The following LARP4B variants were observed in gnomAD, a reference collection of about 807,000 sequenced individuals.
The protein encoded by LARP4B is La ribonucleoprotein 4B, also known as la-related protein 4B.
Under a neutral mutation model 89.8 loss-of-function variants are expected in LARP4B, and 12 were observed. That is an observed-to-expected ratio of 0.13 (90% CI 0.09 to 0.22). The LOEUF (loss-of-function observed/expected upper bound fraction) is 0.22, where lower values mean the gene tolerates loss of function less well. Among genes scored for constraint, LARP4B ranks in the 10% least tolerant of loss-of-function variants. The pLI, the probability that LARP4B is intolerant of heterozygous loss-of-function variation, is 1.00. For missense variants in LARP4B, 757 were observed against 947.7 expected (o/e 0.80, Z 2.64); for synonymous variants, 367 against 363.3 (o/e 1.01, Z -0.12).
At chr10:875,146 A>C (rs1835405903) in intron 3 of LARP4B, among the ~76,000 whole-genome samples, 1 of 152,220 alleles carries the variant, frequency 6.6e-6, no homozygotes, top group Non-Finnish European at 1.5e-5. Context: ...GATTCATACC[A>C]GCTGTAAAAT....
the LARP4B span, among the ~76,000 whole-genome samples, chr10:983,376 A>G: frequency 2.0e-5 from 3 of 152,234 alleles, no homozygotes; most frequent in African/African-American, 7.2e-5. Flanking sequence ...CTGCTGACCT[A>G]TGGTGAGTAT....
At chr10:905,677 CA>C (rs1836470684) in intron 1 of LARP4B, among the ~76,000 whole-genome samples, 1 of 21,992 alleles carries the variant, frequency 4.5e-5, no homozygotes, top group South Asian at 2.1e-3. Flanking sequence ...AGCTGAGGAG[CA>C]AGGGAGGAGC....
chr10:970,281 G>C, the LARP4B span, among the ~76,000 whole-genome samples: 1 of 152,224 alleles, frequency 6.6e-6, no homozygotes, highest in African/African-American at 2.4e-5. Flanking sequence ...AAATGTCTAA[G>C]CATTGTCACT....
chr10:985,639 C>G, the LARP4B span: 1 of 152,390 alleles, frequency 6.6e-6, no homozygotes, highest in East Asian at 1.9e-4. Context: ...TTAGACCTCC[C>G]TGTTGACAGC....
At chr10:929,608 GA>G (rs1350473955) in intron 1 of LARP4B, among the ~76,000 whole-genome samples, 1 of 151,314 alleles carries the variant, frequency 6.6e-6, no homozygotes, top group East Asian at 1.9e-4. Flanking sequence ...GGGGGGGGAA[GA>G]AAAAAATCAG....
At chr10:917,647 C>G (rs1322200319) in intron 1 of LARP4B, among the ~76,000 whole-genome samples, 1 of 152,148 alleles carries the variant, frequency 6.6e-6, no homozygotes, top group East Asian at 1.9e-4. Context: ...GCCCAGGAAC[C>G]TCAAGATATT....
the LARP4B span, among the ~76,000 whole-genome samples, chr10:949,526 C>T: frequency 1.3e-5 from 2 of 152,100 alleles, no homozygotes; most frequent in African/African-American, 2.4e-5. Context: ...ACCTCCAACC[C>T]GTTTTCCAGG....
At chr10:848,764 G>C (rs145007684) in intron 5 of LARP4B, among the ~76,000 whole-genome samples, 63 of 152,040 alleles carry the variant, frequency 4.1e-4, no homozygotes, top group African/African-American at 1.2e-3. Context: ...GGACAACATC[G>C]AGCAGCTGAG....
chr10:927,583 T>C (rs905905737), intron 1 of LARP4B, among the ~76,000 whole-genome samples: 1 of 152,244 alleles, frequency 6.6e-6, no homozygotes, highest in East Asian at 1.9e-4. Context: ...TCAGACCTGA[T>C]GAGGTTAACT....
intron 7 of LARP4B, 72 bp from the exon 8 acceptor site, chr10:836,578 T>C: frequency 1.0e-6 from 1 of 955,312 alleles, no homozygotes; most frequent in South Asian, 1.4e-5. Flanking sequence ...ATGTGTTACA[T>C]TATATTACTA....
chr10:955,153 G>C, the LARP4B span, among the ~76,000 whole-genome samples: 1 of 152,180 alleles, frequency 6.6e-6, no homozygotes, highest in Admixed American at 6.5e-5. This position sits in a 1 kb window ranked among gnomAD's most constrained non-coding sequence, Gnocchi z 5.2. Flanking sequence ...CTCTCGGGCA[G>C]CTCTGACACT....
At chr10:931,031 C>T (rs951823965) in intron 1 of LARP4B, among the ~76,000 whole-genome samples, 52 of 150,914 alleles carry the variant, frequency 3.4e-4, no homozygotes, top group East Asian at 3.9e-4. Context: ...GGCCTCCCGA[C>T]CCTGACCCCG....
intron 5 of LARP4B, among the ~76,000 whole-genome samples, chr10:860,213 T>C (rs951854242): frequency 5.3e-5 from 8 of 152,192 alleles, no homozygotes; most frequent in African/African-American, 9.6e-5. Flanking sequence ...AAAACAGTCT[T>C]TTTTTTAAAA....
intron 4 of LARP4B, 96 bp downstream of exon 4, chr10:864,027 T>C (rs981125257): frequency 3.2e-6 from 5 of 1,571,730 alleles, no homozygotes; most frequent in Non-Finnish European, 3.5e-6. Flanking sequence ...CATGACACAG[T>C]TATGAATGAA....
chr10:896,604 TG>T (rs1836195813), intron 1 of LARP4B, among the ~76,000 whole-genome samples: 1 of 152,222 alleles, frequency 6.6e-6, no homozygotes, highest in African/African-American at 2.4e-5. Flanking sequence ...TATTACCTAA[TG>T]GGTTTGTTAT....
At chr10:848,830 C>T (rs1157557907) in intron 5 of LARP4B, among the ~76,000 whole-genome samples, 1 of 152,190 alleles carries the variant, frequency 6.6e-6, no homozygotes, top group Non-Finnish European at 1.5e-5. Context: ...AGAAAATCTA[C>T]ACACAGGAGT....
At chr10:887,109 C>T (rs896668844) in intron 1 of LARP4B, among the ~76,000 whole-genome samples, 1 of 150,228 alleles carries the variant, frequency 6.7e-6, no homozygotes, top group Non-Finnish European at 1.5e-5. Flanking sequence ...CACACACACA[C>T]AAAATGGTGA....
chr10:822,620 C>A lies in LARP4B; in HGVS notation c.1485-1775G>T, dbSNP rs1013475747. 6.6e-6 allele frequency among the ~76,000 whole-genome samples: 1 copy of A among 152,192 alleles called. No individual in the cohort carries two copies. Among genetic ancestry groups the A allele is most frequent in the Admixed American group, 6.5e-5 (1 of 15,288 alleles). On this transcript the variant is annotated intron_variant, in intron 13 of 17. Transcript: ENST00000316157. This position sits in a 1 kb window ranked among gnomAD's most constrained non-coding sequence, Gnocchi z 4.6. ...TCATGCAGAGAGCAGGTTGGCTGAGCCAAGGCTCAGTGACAGGGCCATGGT... is the reference window on the plus strand; with the variant it reads ...TCATGCAGAGAGCAGGTTGGCTGAGACAAGGCTCAGTGACAGGGCCATGGT...
chr10:926,195 C>T (rs1837128740), intron 1 of LARP4B, among the ~76,000 whole-genome samples: 1 of 152,182 alleles, frequency 6.6e-6, no homozygotes, highest in Non-Finnish European at 1.5e-5. Context: ...GAATCTCACT[C>T]ACAAGGAGCT....
Sources: allele counts gnomAD v4.1 joint callset (sites outside exome capture counted in the v4.1 genomes callset), GRCh38; gene constraint gnomAD v4.1.1; non-coding constraint Gnocchi (gnomAD v3.1); transcripts MANE v1.5; gene names NCBI Gene and HGNC (gene_info 2026-07-23, HGNC 2026-07-21).